Variants in BRSK1 observed in about 807,000 individuals in gnomAD.
The protein encoded by BRSK1 is BR serine/threonine kinase 1.
In BRSK1, 17 loss-of-function variants were observed where a neutral mutation model predicts 86.2. The ratio of observed to expected loss-of-function variants is 0.20; its 90% CI spans 0.14 to 0.30. The LOEUF (loss-of-function observed/expected upper bound fraction) is 0.30, where lower values mean the gene tolerates loss of function less well. Ranked by LOEUF, BRSK1 falls within the 10% of genes least tolerant of loss-of-function variation. BRSK1 has a pLI of 1.00. For synonymous variants in BRSK1, 464 were observed against 440.1 expected, an observed-to-expected ratio of 1.05 and a Z score of -0.68; for missense variants, 719 against 1,071.9, an observed-to-expected ratio of 0.67 and a Z score of 4.60.
chr19:55,310,497 C>T lies in BRSK1; in HGVS notation c.2180-1414C>T, dbSNP rs1051804143. On this transcript the variant is annotated intron_variant, in intron 18 of 18. Coordinates refer to ENST00000309383, the MANE Select transcript of BRSK1 (RefSeq NM_032430.2). The surrounding 1 kb of genome is among the most constrained non-coding windows in gnomAD (Gnocchi z 5.0). ...ATCAAGAAACATAGTCACAAGTTCT[C>T]GGTATTTGCATGTGGACATCTTTGG... 6.6e-6 allele frequency among the ~76,000 whole-genome samples: 1 copy of T among 152,162 alleles called. No individual in the cohort carries two copies. The highest frequency in any genetic ancestry group is 2.4e-5 in the African/African-American group (1 of 41,442).
In BRSK1 at chr19:55,284,188, G is replaced by A; in HGVS notation, c.-255G>A. On this transcript the variant is annotated 5_prime_UTR_variant, in exon 1 of 19. Transcript: ENST00000309383. ...GCGGGGGGCCGGCCAGAAACGGGCT[G>A]GGGAGGGGGGGCCCCGCAGCCCCCC... 1 of 879,054 alleles carries A rather than the reference G, an allele frequency of 1.1e-6. No individual in the cohort carries two copies. The highest frequency in any genetic ancestry group is 1.7e-5 in the African/African-American group (1 of 57,258). 54.5% of individuals were successfully genotyped at this position (879,054 alleles called of 1,614,324 possible).
In BRSK1 at chr19:55,287,322, C is replaced by T; in HGVS notation, c.317+23C>T. ...TTTGTAGGTATTTATAGACACCCAGCCCTACCCCATCCTCCCTCTCCAGGT... is the reference window on the plus strand; with the variant it reads ...TTTGTAGGTATTTATAGACACCCAGTCCTACCCCATCCTCCCTCTCCAGGT... On this transcript the variant is annotated intron_variant, in intron 3 of 18. Coordinates refer to ENST00000309383, the MANE Select transcript of BRSK1 (RefSeq NM_032430.2). The surrounding 1 kb of genome is among the most constrained non-coding windows in gnomAD (Gnocchi z 5.3). 6.2e-7 allele frequency: 1 copy of T among 1,607,340 alleles called. No individual in the cohort carries two copies. Among genetic ancestry groups the T allele is most frequent in the East Asian group, 2.2e-5 (1 of 44,842 alleles).
chr19:55,297,103 T>C (rs1311792200), intron 7 of BRSK1, among the ~76,000 whole-genome samples: 1 of 152,140 alleles, frequency 6.6e-6, no homozygotes, highest in African/African-American at 2.4e-5. Context: ...TTGAGACGGA[T>C]TCTTGCTCTG....
intron 4 of BRSK1, among the ~76,000 whole-genome samples, chr19:55,293,812 AAAT>A (rs753980268): frequency 1.3e-5 from 2 of 152,186 alleles, no homozygotes; most frequent in Non-Finnish European, 2.9e-5. Context: ...TCCATCTCAA[AAAT>A]AATAATAATA....
In BRSK1 at chr19:55,303,570, A is replaced by G. The variant is rs1377177029; in HGVS notation, c.1127-97A>G. 1 of 1,508,988 alleles carries G rather than the reference A, an allele frequency of 6.6e-7. No homozygotes were observed. The highest frequency in any genetic ancestry group is 1.4e-5 in the African/African-American group (1 of 71,828). The allele number at this position is 1,508,988 out of a possible 1,614,324, so 93.5% of individuals were successfully genotyped here. ...TTGACATTTATCAAATCCCCTCTCC[A>G]CTCTAGGCCTGTTTCCCCATGTGTG... On this transcript the variant is annotated intron_variant, in intron 11 of 18. Transcript: ENST00000309383. This position sits in a 1 kb window ranked among gnomAD's most constrained non-coding sequence, Gnocchi z 5.1.
In BRSK1 at chr19:55,304,463, C is replaced by T. The variant is rs1182597833; in HGVS notation, c.1348-88C>T. 7.9e-6 allele frequency: 11 copies of T among 1,396,308 alleles called. No individual in the cohort carries two copies. Among genetic ancestry groups the T allele is most frequent in the African/African-American group, 1.5e-5 (1 of 68,284 alleles). The allele number at this position is 1,396,308 out of a possible 1,614,324, so 86.5% of individuals were successfully genotyped here. ...CAAGTTGCAGCATGCACCGGGCCAG[C>T]GTCCGTGAGTGTGCGTGTGAGTGGG... On this transcript the variant is annotated intron_variant, in intron 13 of 18. Coordinates refer to ENST00000309383, the MANE Select transcript of BRSK1 (RefSeq NM_032430.2). The surrounding 1 kb of genome is among the most constrained non-coding windows in gnomAD (Gnocchi z 5.2).
In BRSK1 at chr19:55,294,397, G is replaced by T. The variant is rs1347490005; in HGVS notation, c.678G>T (p.Val226=). The T allele has an allele frequency of 1.9e-6, 3 of 1,613,630 alleles. No individual in the cohort carries two copies. The African/African-American group carries it at 4.0e-5, about 22-fold the overall frequency. Residue 226 remains valine (V), a splice_region_variant and synonymous_variant, in exon 7 of 19, where the codon GTG becomes GTT. Transcript: ENST00000309383. The surrounding 1 kb of genome is among the most constrained non-coding windows in gnomAD (Gnocchi z 4.9). ...SCGVILFALL[V]GALPFDDDNL... ...GAGTCATCCTCTTCGCCCTGCTCGT[G>T]GTAAGGCGCCCTCACCTCTCCTGTC...
chr19:55,302,050 A>G lies in BRSK1; in HGVS notation c.826-87A>G, dbSNP rs1238035257. 2 of 1,468,456 alleles carry G rather than the reference A, an allele frequency of 1.4e-6. No individual in the cohort carries two copies. The highest frequency in any genetic ancestry group is 9.5e-7 in the Non-Finnish European group (1 of 1,048,236). 91.0% of individuals were successfully genotyped at this position (1,468,456 alleles called of 1,614,324 possible). A position where few individuals can be genotyped will look rare whatever the true frequency, so the allele number is the denominator to read the frequency against. ...GGGGTGGGCGGGGAGATGATCAGGG[A>G]CCCCAAAACCACCCCAGTCTTTCAT... On this transcript the variant is annotated intron_variant, in intron 8 of 18. Transcript: ENST00000309383. The surrounding 1 kb of genome is among the most constrained non-coding windows in gnomAD (Gnocchi z 6.3).
In BRSK1 at chr19:55,303,693, C is replaced by G. The variant is rs1367551603; in HGVS notation, c.1153C>G (p.Pro385Ala). The G allele has an allele frequency of 6.2e-7, 1 of 1,611,608 alleles. No individual in the cohort carries two copies. Among genetic ancestry groups the G allele is most frequent in the Non-Finnish European group, 8.5e-7 (1 of 1,178,968 alleles). Reference sequence around the variant, plus strand: ...CCCCCCCCGGAAGCGTGTGGATTCTCCCATGCTGAGCCGTCACGGGAAGCG... The same window carrying G: ...CCCCCCCCGGAAGCGTGTGGATTCTGCCATGCTGAGCCGTCACGGGAAGCG... ...VDPPRKRVDSPMLSRHGKRRP... is the reference protein window; with the variant it reads ...VDPPRKRVDSAMLSRHGKRRP... Residue 385 changes from proline to alanine, a missense_variant, in exon 12 of 19, where the codon CCC becomes GCC. This residue lies in a region of BRSK1 where 168 missense variants were observed against 246.3 expected (regional missense o/e 0.68). Coordinates refer to ENST00000309383, the MANE Select transcript of BRSK1 (RefSeq NM_032430.2). The surrounding 1 kb of genome is among the most constrained non-coding windows in gnomAD (Gnocchi z 5.1).
In BRSK1 at chr19:55,289,520, G is replaced by A. The variant is rs755779500; in HGVS notation, c.358G>A (p.Asp120Asn). 6.2e-7 allele frequency: 1 copy of A among 1,613,700 alleles called. No individual in the cohort carries two copies. ...GCACGTCTCGGGGGGTGAGCTATTC[G>A]ACTACCTGGTAAAGAAGGGGAGACT... ...LEHVSGGELF[D>N]YLVKKGRLTP... Residue 120 changes from aspartate (D) to asparagine (N), a missense_variant, in exon 4 of 19, where the codon GAC (aspartate) becomes AAC (asparagine). Around this residue, in one of 6 missense-constraint regions of BRSK1, gnomAD observed 75 missense variants for 281.0 expected, o/e 0.27. Transcript: ENST00000309383.
In BRSK1 at chr19:55,294,754, T is replaced by G. The variant is rs2088460683; in HGVS notation, c.678+357T>G. On this transcript the variant is annotated intron_variant, in intron 7 of 18. Transcript: ENST00000309383. This position sits in a 1 kb window ranked among gnomAD's most constrained non-coding sequence, Gnocchi z 4.9. ...TGACCTCAGGTGATCCACCTGCCTC[T>G]GCCTCCCAAAGTGCTGGGATTCCAG... 2.0e-5 allele frequency among the ~76,000 whole-genome samples: 3 copies of G among 152,064 alleles called. No homozygotes were observed. Among genetic ancestry groups the G allele is most frequent in the Admixed American group, 1.3e-4 (2 of 15,264 alleles).
intron 7 of BRSK1, among the ~76,000 whole-genome samples, chr19:55,297,077 TTG>T (rs1180905278): frequency 1.3e-5 from 2 of 152,262 alleles, no homozygotes; most frequent in African/African-American, 2.4e-5. Context: ...GTTTTTTTGT[TTG>T]TGTGTGTTTG....
rs754098860 is a variant in BRSK1, at chr19:55,304,868, C to T, written c.1665C>T (p.Ser555=). The T allele has an allele frequency of 1.9e-6, 3 of 1,609,810 alleles. No individual in the cohort carries two copies. The highest frequency in any genetic ancestry group is 2.2e-5 in the South Asian group (2 of 90,988). The change falls in exon 14 of 19, where the codon TCC becomes TCT. Residue 555 remains serine, a synonymous_variant. Coordinates refer to ENST00000309383, the MANE Select transcript of BRSK1 (RefSeq NM_032430.2). This position sits in a 1 kb window ranked among gnomAD's most constrained non-coding sequence, Gnocchi z 5.2. ...GGAAWRSRLN[S]IRNSFLGSPR... is the part of the protein sequence containing the mutation. Reference sequence around the variant, plus strand: ...CCGCCTGGAGGAGTCGTCTCAACTCCATCCGCAACAGCTTCCTGGGCTCCC... The same window carrying T: ...CCGCCTGGAGGAGTCGTCTCAACTCTATCCGCAACAGCTTCCTGGGCTCCC...
At chr19:55,307,288 G>A (rs533853338) in intron 17 of BRSK1, among the ~76,000 whole-genome samples, 8 of 152,234 alleles carry the variant, frequency 5.3e-5, no homozygotes, top group African/African-American at 7.2e-5. Context: ...GGCTGGGCGC[G>A]GTGGCTCACG....
rs762590418 is a variant in BRSK1, at chr19:55,303,806, G to C, written c.1266G>C (p.Glu422Asp). The change falls in exon 12 of 19, where the codon GAG becomes GAC. Residue 422 changes from glutamate to aspartate, a missense_variant. Coordinates refer to ENST00000309383, the MANE Select transcript of BRSK1 (RefSeq NM_032430.2). This position sits in a 1 kb window ranked among gnomAD's most constrained non-coding sequence, Gnocchi z 5.1. ...CTGTACCCACCCGACGGGCCTTGGA[G>C]ATGGCCCAGCACAGCCAGAGGTGGG... ...GSPVPTRRAL[E>D]MAQHSQRSRS... 6.3e-7 allele frequency: 1 copy of C among 1,592,746 alleles called. No individual in the cohort carries two copies. The highest frequency in any genetic ancestry group is 8.6e-7 in the Non-Finnish European group (1 of 1,168,766).
Position 55,305,565 on chromosome 19 carries a change from C to T in BRSK1, c.1869C>T (p.Asp623=). The T allele has an allele frequency of 6.2e-7, 1 of 1,614,174 alleles. No homozygotes were observed. Among genetic ancestry groups the T allele is most frequent in the Non-Finnish European group, 8.5e-7 (1 of 1,180,030 alleles). Residue 623 remains aspartate, a synonymous_variant, in exon 16 of 19, where the codon GAC becomes GAT. Transcript: ENST00000309383. ...KDKPLSSIKA[D]IVHAFLSIPS... ...AACCTCTCAGCAGCATCAAAGCAGA[C>T]ATCGTCCATGCCTTTCTGTCGGTGA...
At position 55,284,135 on chromosome 19, in the gene BRSK1, A is replaced by AC. The variant is rs1335425168; in HGVS notation, c.-301dup. On this transcript the variant is annotated 5_prime_UTR_variant, in exon 1 of 19. An upstream open reading frame in the 5' UTR loses its in-frame stop. Transcript: ENST00000309383. Reference sequence around the variant, plus strand: ...CAGCATCCGCCGGCCCGCACCTCAGACCCCCCCGGCGGGGGGAGGCGCAGG... The same window carrying AC: ...CAGCATCCGCCGGCCCGCACCTCAGACCCCCCCCGGCGGGGGGAGGCGCAGG... 150 of 1,037,764 alleles carry AC rather than the reference A, an allele frequency of 1.4e-4. No individual in the cohort carries two copies. The highest frequency in any genetic ancestry group is 1.6e-4 in the Non-Finnish European group (136 of 849,158). The allele number at this position is 1,037,764 out of a possible 1,614,324, so 64.3% of individuals were successfully genotyped here. A position where few individuals can be genotyped will look rare whatever the true frequency, so the allele number is the denominator to read the frequency against.
rs370363848 is a variant in BRSK1 at position 55,289,638 on chromosome 19, G to A, written c.458+18G>A. On this transcript the variant is annotated intron_variant, in intron 4 of 18. Transcript: ENST00000309383. The stretch of plus-strand genomic sequence containing the variant: ...TCCATCTGGTGAGTGGGCAGCTTGA[G>A]GGGGAGGAGGGGCTGAGGGCTGCCC... The A allele has an allele frequency of 3.1e-6, 5 of 1,612,194 alleles. No individual in the cohort carries two copies. Among genetic ancestry groups the A allele is most frequent in the East Asian group, 2.2e-5 (1 of 44,870 alleles).
Position 55,287,162 on chromosome 19 carries a change from G to T in BRSK1, c.232-52G>T, listed in dbSNP as rs1600169322. The T allele has an allele frequency of 1.9e-6, 3 of 1,611,724 alleles. No homozygotes were observed. In the East Asian group the frequency reaches 6.7e-5, roughly 36 times the overall value. On this transcript the variant is annotated intron_variant, in intron 2 of 18. Transcript: ENST00000309383. This position sits in a 1 kb window ranked among gnomAD's most constrained non-coding sequence, Gnocchi z 5.3. ...GGGGCCTCCGGGGCTGAGGGCAGGG[G>T]CGGGGCCGTGCTGACCTCTTTTCCC...
Sources: allele counts gnomAD v4.1 joint callset (sites outside exome capture counted in the v4.1 genomes callset), GRCh38; gene constraint gnomAD v4.1.1; regional missense constraint gnomAD v4.1.1; non-coding constraint Gnocchi (gnomAD v3.1); transcripts MANE v1.5; gene names NCBI Gene and HGNC (gene_info 2026-07-23, HGNC 2026-07-21).